Variants in PHF24 observed in about 807,000 individuals in gnomAD.
The protein encoded by PHF24 is Galpha inhibitory interacting protein.
Under a neutral mutation model 42.6 loss-of-function variants are expected in PHF24, and 25 were observed. The observed-to-expected ratio is 0.59, with a 90% CI of 0.43 to 0.82. The LOEUF (loss-of-function observed/expected upper bound fraction) is 0.82, where lower values mean the gene tolerates loss of function less well. PHF24 is among the 40% of genes least tolerant of loss of function. PHF24 has a pLI of 0.00. For missense variants in PHF24, 470 were observed against 538.1 expected, an observed-to-expected ratio of 0.87 and a Z score of 1.25; for synonymous variants, 185 against 204.8, an observed-to-expected ratio of 0.90 and a Z score of 0.83.
intron 3 of PHF24, among the ~76,000 whole-genome samples, chr9:34,975,611 G>A (rs886551717): frequency 1.3e-5 from 2 of 152,012 alleles, no homozygotes; most frequent in African/African-American, 4.8e-5. Flanking sequence ...TTGGCTTTAG[G>A]AGCCTTGTAA....
chr9:34,709,500 C>T, the PHF24 span: 46 of 1,613,892 alleles, frequency 2.9e-5, no homozygotes, highest in Admixed American at 1.7e-5. Context: ...GATTCCTCAC[C>T]TCTTGCAGCC....
chr9:34,870,554 A>AGTAT, the PHF24 span, among the ~76,000 whole-genome samples: 1 of 145,200 alleles, frequency 6.9e-6, no homozygotes. Flanking sequence ...TTCACTTAGC[A>AGTAT]GTATGTATTT....
chr9:34,680,573 G>A, the PHF24 span, among the ~76,000 whole-genome samples: 12 of 142,832 alleles, frequency 8.4e-5, no homozygotes, highest in African/African-American at 2.0e-4. Context: ...CTGTAGTCCC[G>A]GCTACTTGGG....
the PHF24 span, among the ~76,000 whole-genome samples, chr9:34,873,048 G>A: frequency 6.7e-6 from 1 of 149,484 alleles, no homozygotes; most frequent in Non-Finnish European, 1.5e-5. Context: ...TTTTGATGGG[G>A]TTGTTTGTTT....
At chr9:34,907,735 A>G in the PHF24 span, among the ~76,000 whole-genome samples, 1 of 150,894 alleles carries the variant, frequency 6.6e-6, no homozygotes, top group Non-Finnish European at 1.5e-5. Context: ...CTCTTTTTGG[A>G]TTGTCTTTGT....
the PHF24 span, among the ~76,000 whole-genome samples, chr9:34,907,017 G>A: frequency 1.3e-5 from 2 of 152,122 alleles, no homozygotes; most frequent in Non-Finnish European, 2.9e-5. Context: ...ATAGAGACAG[G>A]TTGTCTACTA....
chr9:34,976,178 G>A, exon 4 of PHF24: 1 of 1,614,096 alleles, frequency 6.2e-7, no homozygotes, highest in Non-Finnish European at 8.5e-7. Flanking sequence ...TGCTTACTGA[G>A]GAGGAAATGT....
chr9:34,887,120 A>AT, the PHF24 span, among the ~76,000 whole-genome samples: 30 of 151,276 alleles, frequency 2.0e-4, no homozygotes, highest in Middle Eastern at 3.4e-3. Context: ...CATCCTTGAC[A>AT]TTTTTTTTTC....
the PHF24 span, among the ~76,000 whole-genome samples, chr9:34,946,764 A>C: frequency 1.3e-5 from 2 of 152,214 alleles, no homozygotes; most frequent in African/African-American, 4.8e-5. Context: ...TGACACAAGC[A>C]GGTGCAAGGT....
chr9:34,850,289 C>A, the PHF24 span, among the ~76,000 whole-genome samples: 1 of 152,048 alleles, frequency 6.6e-6, no homozygotes, highest in African/African-American at 2.4e-5. Flanking sequence ...TTCTTGGAGG[C>A]TTTGTTCATT....
At chr9:34,779,657 T>C in the PHF24 span, among the ~76,000 whole-genome samples, 4 of 152,176 alleles carry the variant, frequency 2.6e-5, no homozygotes, top group Non-Finnish European at 5.9e-5. Flanking sequence ...ACTGGCATAG[T>C]AGACATATAG....
chr9:34,850,147 C>A, the PHF24 span, among the ~76,000 whole-genome samples: 1 of 152,132 alleles, frequency 6.6e-6, no homozygotes, highest in Non-Finnish European at 1.5e-5. Flanking sequence ...GAATGTTGGC[C>A]TGCCTTGCTA....
the PHF24 span, among the ~76,000 whole-genome samples, chr9:34,795,279 C>G: frequency 6.6e-6 from 1 of 151,550 alleles, no homozygotes; most frequent in African/African-American, 2.4e-5. Flanking sequence ...ACTATGGACA[C>G]CAGAAGAAAA....
the PHF24 span, among the ~76,000 whole-genome samples, chr9:34,773,912 G>A: frequency 6.6e-6 from 1 of 152,128 alleles, no homozygotes; most frequent in Non-Finnish European, 1.5e-5. Context: ...ATCCAGGGAT[G>A]GAAAATAGCA....
At chr9:34,715,714 C>T in the PHF24 span, among the ~76,000 whole-genome samples, 3 of 152,130 alleles carry the variant, frequency 2.0e-5, no homozygotes, top group African/African-American at 7.2e-5. Context: ...TCAGCCCTAC[C>T]CGTGATGATG....
chr9:34,959,801 A>T (rs1563925226), intron 1 of PHF24, among the ~76,000 whole-genome samples: 1 of 152,128 alleles, frequency 6.6e-6, no homozygotes, highest in African/African-American at 2.4e-5. Context: ...CCTTCTGCGG[A>T]TGGAGTGTCC....
the PHF24 span, among the ~76,000 whole-genome samples, chr9:34,763,174 G>A: frequency 7.3e-5 from 11 of 151,282 alleles, no homozygotes; most frequent in Non-Finnish European, 1.0e-4. Flanking sequence ...TTGACTTGGT[G>A]ATGCGGGCTC....
the PHF24 span, among the ~76,000 whole-genome samples, chr9:34,908,768 T>G: frequency 6.6e-6 from 1 of 152,142 alleles, no homozygotes; most frequent in Non-Finnish European, 1.5e-5. Flanking sequence ...GGTCACCACT[T>G]CAAATCCTTA....
chr9:34,807,417 G>C, the PHF24 span, among the ~76,000 whole-genome samples: 1 of 152,166 alleles, frequency 6.6e-6, no homozygotes, highest in Non-Finnish European at 1.5e-5. Flanking sequence ...GCTCACTCAA[G>C]GAATGCAGTG....
Sources: allele counts gnomAD v4.1 joint callset (sites outside exome capture counted in the v4.1 genomes callset), GRCh38; gene constraint gnomAD v4.1.1; transcripts MANE v1.5; gene names NCBI Gene and HGNC (gene_info 2026-07-23, HGNC 2026-07-21).